The following RRM2B variants were observed in gnomAD, a reference collection of about 807,000 sequenced individuals.
RRM2B encodes the protein ribonucleoside-diphosphate reductase subunit M2 B.
A neutral mutation model predicts 45.9 loss-of-function variants in RRM2B; 20 were observed. That is an observed-to-expected ratio of 0.44 (90% confidence interval 0.31 to 0.63). RRM2B has a LOEUF of 0.63. Among genes scored for constraint, RRM2B ranks in the 30% least tolerant of loss-of-function variants. The probability of loss-of-function intolerance (pLI) is 0.09; values close to 1 mark genes in which losing one functional copy is unlikely to be tolerated. For synonymous variants in RRM2B, 124 were observed against 132.3 expected, an observed-to-expected ratio of 0.94 and a Z score of 0.43; for missense variants, 320 against 414.7, an observed-to-expected ratio of 0.77 and a Z score of 1.98.
chr8:102,208,798 T>C (rs1315819502), intron 8 of RRM2B, among the ~76,000 whole-genome samples: 3 of 152,202 alleles, frequency 2.0e-5, no homozygotes, highest in African/African-American at 7.2e-5. Flanking sequence ...AGTGACTAGA[T>C]GTCTCCAAAC....
chr8:102,230,593 GTGTT>G (rs1811010543), intron 2 of RRM2B, among the ~76,000 whole-genome samples: 1 of 152,166 alleles, frequency 6.6e-6, no homozygotes, highest in Admixed American at 6.5e-5. Flanking sequence ...AAAATATTGG[GTGTT>G]TGTTTTTGTG....
chr8:102,236,968 C>T (rs574601556), intron 1 of RRM2B, among the ~76,000 whole-genome samples: 3 of 152,168 alleles, frequency 2.0e-5, no homozygotes, highest in South Asian at 2.1e-4. Context: ...CCACCACTTC[C>T]GTTTCTTTGC....
chr8:102,221,798 G>A (rs546172019), intron 5 of RRM2B, among the ~76,000 whole-genome samples: 3 of 152,156 alleles, frequency 2.0e-5, no homozygotes, highest in South Asian at 4.1e-4. Flanking sequence ...CATGCTTTCC[G>A]TGGGCCTGCT....
chr8:102,235,688 A>G (rs1462353045), intron 1 of RRM2B, among the ~76,000 whole-genome samples: 9 of 152,044 alleles, frequency 5.9e-5, no homozygotes, highest in African/African-American at 1.9e-4. Context: ...AAAATACAAA[A>G]ATTAGCCGGG....
intron 2 of RRM2B, among the ~76,000 whole-genome samples, chr8:102,226,363 TA>T (rs1356955276): frequency 6.6e-6 from 1 of 151,686 alleles, no homozygotes; most frequent in Non-Finnish European, 1.5e-5. Context: ...TCATACACCT[TA>T]AACATACACA....
At chr8:102,226,402 T>C (rs758771427) in intron 2 of RRM2B, among the ~76,000 whole-genome samples, 2 of 151,750 alleles carry the variant, frequency 1.3e-5, no homozygotes, top group Non-Finnish European at 2.9e-5. Flanking sequence ...AAAATTAAGA[T>C]GGAATCGAAT....
intron 4 of RRM2B, 53 bp from the exon 5 acceptor site, chr8:102,224,193 T>G (rs186800186): frequency 7.7e-7 from 1 of 1,299,118 alleles, no homozygotes; most frequent in Non-Finnish European, 1.1e-6. Flanking sequence ...TTTCTTTTTT[T>G]TTTTTTGAGA....
At chr8:102,209,549 C>T (rs142194783) in intron 8 of RRM2B, among the ~76,000 whole-genome samples, 39 of 152,280 alleles carry the variant, frequency 2.6e-4, no homozygotes, top group African/African-American at 9.1e-4. Flanking sequence ...TAAAATTGTG[C>T]AGCTGCTTTA....
At chr8:102,213,794 G>A (rs747956966) in intron 7 of RRM2B, among the ~76,000 whole-genome samples, 1 of 151,370 alleles carries the variant, frequency 6.6e-6, no homozygotes, top group Admixed American at 6.6e-5. Context: ...ATTTGACAGA[G>A]ATCAATAAGA....
Position 102,207,812 on chromosome 8 carries a change from T to G in RRM2B, c.*321A>C. On this transcript the variant is annotated 3_prime_UTR_variant, in exon 9 of 9. Coordinates refer to ENST00000251810, the MANE Select transcript of RRM2B (RefSeq NM_015713.5). ...TTTTAAAGATAAGTACACCGAGGTT[T>G]ACCAAGATTAACTGACTTGCCAAGG... 4.1e-6 allele frequency: 1 copy of G among 242,890 alleles called. No individual in the cohort carries two copies. The highest frequency in any genetic ancestry group is 8.1e-6 in the Non-Finnish European group (1 of 123,768). 15.0% of individuals were successfully genotyped at this position (242,890 alleles called of 1,614,324 possible).
chr8:102,226,371 C>T (rs956359554), intron 2 of RRM2B, among the ~76,000 whole-genome samples: 31 of 151,332 alleles, frequency 2.0e-4, no homozygotes, highest in Admixed American at 5.9e-4. Flanking sequence ...CTTAAACATA[C>T]ACAATAAAAT....
chr8:102,220,116 G>A (rs2132550646), intron 5 of RRM2B, among the ~76,000 whole-genome samples: 1 of 152,266 alleles, frequency 6.6e-6, no homozygotes, highest in South Asian at 2.1e-4. Flanking sequence ...GTGCGCACCT[G>A]TAGTCACAGC....
At chr8:102,215,682 A>C (rs545113883) in intron 6 of RRM2B, among the ~76,000 whole-genome samples, 2 of 152,244 alleles carry the variant, frequency 1.3e-5, no homozygotes, top group South Asian at 4.1e-4. Flanking sequence ...ACGGGGGCTC[A>C]TGCCTGTAAT....
At chr8:102,214,757 A>G (rs1810697025) in intron 6 of RRM2B, among the ~76,000 whole-genome samples, 1 of 149,890 alleles carries the variant, frequency 6.7e-6, no homozygotes, top group African/African-American at 2.4e-5. Context: ...TCTCTACAAA[A>G]AAAAATAAAA....
At chr8:102,232,365 A>G (rs563613557) in intron 1 of RRM2B, 61 bp from the exon 2 acceptor site, 63 of 1,530,066 alleles carry the variant, frequency 4.1e-5, no homozygotes, top group Non-Finnish European at 5.7e-5. Flanking sequence ...ATTCATACCT[A>G]AACATACATC....
chr8:102,237,554 C>G (rs1563669302), intron 1 of RRM2B, among the ~76,000 whole-genome samples: 1 of 152,166 alleles, frequency 6.6e-6, no homozygotes, highest in African/African-American at 2.4e-5. Context: ...CTTCAGGCAA[C>G]CCAGCATCTC....
chr8:102,216,716 T>C (rs1292570297), intron 6 of RRM2B, among the ~76,000 whole-genome samples: 4 of 151,986 alleles, frequency 2.6e-5, no homozygotes, highest in Admixed American at 2.6e-4. Flanking sequence ...AGTAGGCAAC[T>C]ACAGAAAAAA....
intron 2 of RRM2B, among the ~76,000 whole-genome samples, chr8:102,227,384 G>A (rs1005413333): frequency 6.6e-5 from 10 of 151,830 alleles, no homozygotes; most frequent in Admixed American, 1.3e-4. Context: ...TACAGTCTCT[G>A]CCTCCTAGGC....
At chr8:102,225,500 G>A (rs1371143861) in intron 3 of RRM2B, among the ~76,000 whole-genome samples, 1 of 151,938 alleles carries the variant, frequency 6.6e-6, no homozygotes, top group Non-Finnish European at 1.5e-5. Context: ...CCAAAGTGCT[G>A]GGATTACAGG....
Sources: allele counts gnomAD v4.1 joint callset (sites outside exome capture counted in the v4.1 genomes callset), GRCh38; gene constraint gnomAD v4.1.1; transcripts MANE v1.5; gene names NCBI Gene and HGNC (gene_info 2026-07-23, HGNC 2026-07-21).